RSPO2: variants seen among roughly 807,000 people sequenced by gnomAD.
RSPO2 encodes R-spondin-2.
Under a neutral mutation model 30.9 loss-of-function variants are expected in RSPO2, and 14 were observed. The ratio of observed to expected loss-of-function variants is 0.45; its 90% CI spans 0.30 to 0.71. The LOEUF (loss-of-function observed/expected upper bound fraction) is 0.71, where lower values mean the gene tolerates loss of function less well. Ranked by LOEUF, RSPO2 falls within the 30% of genes least tolerant of loss-of-function variation. The pLI, the probability that RSPO2 is intolerant of heterozygous loss-of-function variation, is 0.08. For missense variants in RSPO2, 264 were observed against 301.9 expected, an observed-to-expected ratio of 0.87 and a Z score of 0.93; for synonymous variants, 107 against 96.4, an observed-to-expected ratio of 1.11 and a Z score of -0.64.
At chr8:108,010,892 A>T (rs1296281667) in intron 2 of RSPO2, among the ~76,000 whole-genome samples, 1 of 152,168 alleles carries the variant, frequency 6.6e-6, no homozygotes, top group Non-Finnish European at 1.5e-5. Flanking sequence ...AGAAAGAAAG[A>T]CCAAGATAGA....
At chr8:108,080,638 T>C (rs978727630) in intron 2 of RSPO2, among the ~76,000 whole-genome samples, 3 of 152,214 alleles carry the variant, frequency 2.0e-5, no homozygotes, top group Non-Finnish European at 2.9e-5. Context: ...TGTAATGTCC[T>C]TTTCCACCAA....
rs151206795 is a variant in RSPO2, at chr8:108,017,352, T to TA, written c.95-28109dup. Among the ~76,000 whole-genome samples the TA allele has an allele frequency of 8.2e-3, 1,251 of 152,240 alleles. 17 individuals carry two copies. The highest frequency in any genetic ancestry group is 0.029 in the African/African-American group (1,202 of 41,546). ...TTACAGCAGTGCAAGAATGGCCTAA[T>TA]ACAATGGTTATAAGAATATAAATGC... On this transcript the variant is annotated intron_variant, in intron 2 of 5. Coordinates refer to ENST00000276659, the MANE Select transcript of RSPO2 (RefSeq NM_178565.5).
chr8:108,053,996 G>A (rs149548382), intron 2 of RSPO2, among the ~76,000 whole-genome samples: 21 of 152,176 alleles, frequency 1.4e-4, no homozygotes, highest in African/African-American at 5.1e-4. Context: ...TATTTCCTAT[G>A]TATATCATTA....
intron 2 of RSPO2, among the ~76,000 whole-genome samples, chr8:108,061,698 A>G (rs1057030514): frequency 6.6e-6 from 1 of 151,962 alleles, no homozygotes; most frequent in African/African-American, 2.4e-5. Flanking sequence ...ACAGACATCT[A>G]CAGAACTCGC....
At chr8:107,971,283 G>A (rs974712225) in intron 3 of RSPO2, among the ~76,000 whole-genome samples, 1 of 152,060 alleles carries the variant, frequency 6.6e-6, no homozygotes, top group African/African-American at 2.4e-5. Context: ...GGAAAGTCAC[G>A]ACTTTTATTT....
chr8:108,012,745 A>C (rs1182528317), intron 2 of RSPO2, among the ~76,000 whole-genome samples: 1 of 152,342 alleles, frequency 6.6e-6, no homozygotes, highest in South Asian at 2.1e-4. Flanking sequence ...CACTATAGTC[A>C]AGTACAGGAT....
rs905597760 is a variant in RSPO2, at chr8:107,900,398, G to A, written c.*677C>T. 32 of 152,368 alleles carry A rather than the reference G, an allele frequency of 2.1e-4. No individual in the cohort carries two copies. The highest frequency in any genetic ancestry group is 2.0e-3 in the Admixed American group (31 of 15,282). 9.4% of individuals were successfully genotyped at this position (152,368 alleles called of 1,614,324 possible). ...AGTGTCAATTCCCCAAACTAGAAAAGTCATTTATCAGACAATGGGTTAGGA... is the reference window on the plus strand; with the variant it reads ...AGTGTCAATTCCCCAAACTAGAAAAATCATTTATCAGACAATGGGTTAGGA... On this transcript the variant is annotated 3_prime_UTR_variant, in exon 6 of 6. Transcript: ENST00000276659.
chr8:107,925,977 C>A (rs2130326415), intron 5 of RSPO2, among the ~76,000 whole-genome samples: 1 of 152,224 alleles, frequency 6.6e-6, no homozygotes, highest in East Asian at 1.9e-4. Flanking sequence ...GAGGAATCAC[C>A]ACACTGTCTT....
chr8:108,016,988 C>A (rs1810909114), intron 2 of RSPO2, among the ~76,000 whole-genome samples: 1 of 151,904 alleles, frequency 6.6e-6, no homozygotes, highest in Non-Finnish European at 1.5e-5. Flanking sequence ...AATAAATTAC[C>A]CAGTCTCAGA....
chr8:108,041,203 C>CAAAAAAAAAAAA (rs55937336), intron 2 of RSPO2, among the ~76,000 whole-genome samples: 4 of 100,384 alleles, frequency 4.0e-5, no homozygotes, highest in Non-Finnish European at 7.8e-5. Flanking sequence ...CAAAAAGTGG[C>CAAAAAAAAAAAA]AAAAAAAAAA....
chr8:107,938,281 T>C (rs897001537), intron 5 of RSPO2, among the ~76,000 whole-genome samples: 3 of 152,170 alleles, frequency 2.0e-5, no homozygotes, highest in African/African-American at 7.2e-5. Flanking sequence ...AGCCTTGTGA[T>C]AGTTCTAACT....
chr8:108,001,752 A>G (rs935818426), intron 2 of RSPO2, among the ~76,000 whole-genome samples: 2 of 149,296 alleles, frequency 1.3e-5, no homozygotes, highest in African/African-American at 2.5e-5. Context: ...TCAGTGAGGG[A>G]AAAAAAAAAT....
At chr8:108,070,286 T>C (rs1812799792) in intron 2 of RSPO2, among the ~76,000 whole-genome samples, 2 of 139,376 alleles carry the variant, frequency 1.4e-5, no homozygotes, top group African/African-American at 5.4e-5. Flanking sequence ...CTCTTTTTTT[T>C]TTTTTTTTTT....
chr8:108,021,411 T>C (rs1265314555), intron 2 of RSPO2, among the ~76,000 whole-genome samples: 3 of 152,170 alleles, frequency 2.0e-5, no homozygotes, highest in Non-Finnish European at 2.9e-5. Context: ...TGAAAGCAAG[T>C]AGGAATTTAG....
intron 2 of RSPO2, among the ~76,000 whole-genome samples, chr8:108,075,824 T>C (rs941018324): frequency 1.1e-4 from 16 of 152,018 alleles, no homozygotes; most frequent in Admixed American, 8.5e-4. Flanking sequence ...CAAAATAATT[T>C]TAAGGGAAAA....
chr8:107,924,918 A>T (rs2047197), intron 5 of RSPO2, among the ~76,000 whole-genome samples: 86,346 of 151,804 alleles, frequency 0.57, 25,922 homozygotes, highest in East Asian at 0.76. Flanking sequence ...TTTAGCACAA[A>T]ATACAGGAGA....
chr8:108,058,444 A>G (rs1812331469), intron 2 of RSPO2, among the ~76,000 whole-genome samples: 1 of 152,202 alleles, frequency 6.6e-6, no homozygotes. Context: ...TATAGATTCA[A>G]TGCTATCCCA....
chr8:108,063,604 G>A (rs1812551166), intron 2 of RSPO2, among the ~76,000 whole-genome samples: 1 of 151,738 alleles, frequency 6.6e-6, no homozygotes, highest in Non-Finnish European at 1.5e-5. Context: ...TGGCCATACT[G>A]CCCAAGGTAA....
At chr8:107,922,002 T>C (rs1190929984) in intron 5 of RSPO2, among the ~76,000 whole-genome samples, 1 of 152,152 alleles carries the variant, frequency 6.6e-6, no homozygotes, top group African/African-American at 2.4e-5. Flanking sequence ...TCATACTGAA[T>C]GGGCAAAAGC....
Sources: allele counts gnomAD v4.1 joint callset (sites outside exome capture counted in the v4.1 genomes callset), GRCh38; gene constraint gnomAD v4.1.1; transcripts MANE v1.5; gene names NCBI Gene and HGNC (gene_info 2026-07-23, HGNC 2026-07-21).